Variants in TCF7L2 observed in about 807,000 individuals in gnomAD.
TCF7L2 encodes transcription factor 7-like 2.
TCF7L2 carries 23 observed loss-of-function variants against 77.9 expected under a neutral mutation model. The ratio of observed to expected loss-of-function variants is 0.30; its 90% CI spans 0.21 to 0.42. The LOEUF (loss-of-function observed/expected upper bound fraction) is 0.42. Ranked by LOEUF, TCF7L2 falls within the 10% of genes least tolerant of loss-of-function variation. TCF7L2 has a pLI of 1.00. For missense variants in TCF7L2, 654 were observed against 793.1 expected, an observed-to-expected ratio of 0.82 and a Z score of 2.11; for synonymous variants, 413 against 340.2, an observed-to-expected ratio of 1.21 and a Z score of -2.36.
chr10:113,084,147 A>G (rs2135509023), intron 5 of TCF7L2, among the ~76,000 whole-genome samples: 1 of 152,350 alleles, frequency 6.6e-6, no homozygotes, highest in Admixed American at 6.5e-5. Context: ...TAAAACCAAT[A>G]GGATGTATGT....
chr10:113,072,857 A>T (rs2058199964), intron 5 of TCF7L2, among the ~76,000 whole-genome samples: 1 of 152,210 alleles, frequency 6.6e-6, no homozygotes, highest in South Asian at 2.1e-4. Flanking sequence ...TGAAAAAAGA[A>T]GCAGCACGAG....
At chr10:112,962,475 T>A (rs74159625) in intron 3 of TCF7L2, among the ~76,000 whole-genome samples, 2,261 of 152,312 alleles carry the variant, frequency 0.015, 54 homozygotes, top group African/African-American at 0.05. Flanking sequence ...TTTAACATGA[T>A]GCAGAATTGT....
At chr10:113,128,776 A>T (rs766601474) in intron 5 of TCF7L2, among the ~76,000 whole-genome samples, 10 of 152,110 alleles carry the variant, frequency 6.6e-5, no homozygotes, top group Non-Finnish European at 1.3e-4. Context: ...CTTCATGTAA[A>T]AGAGGACGAT....
intron 5 of TCF7L2, among the ~76,000 whole-genome samples, chr10:113,042,498 T>G (rs2052631047): frequency 6.6e-6 from 1 of 152,200 alleles, no homozygotes; most frequent in African/African-American, 2.4e-5. Context: ...AGGACAAATG[T>G]GGTTTACATT....
chr10:113,077,802 C>T (rs1458791608), intron 5 of TCF7L2, among the ~76,000 whole-genome samples: 6 of 150,498 alleles, frequency 4.0e-5, no homozygotes, highest in South Asian at 2.1e-4. Context: ...CAGGTTCAGG[C>T]GATTCACCTG....
At chr10:113,125,207 C>T (rs1161197046) in intron 5 of TCF7L2, among the ~76,000 whole-genome samples, 1 of 150,300 alleles carries the variant, frequency 6.7e-6, no homozygotes, top group Non-Finnish European at 1.5e-5. Context: ...ACGAATCGCT[C>T]GTTCTCTGTT....
In TCF7L2 at chr10:113,150,999, T is replaced by G. The variant is rs766781026; in HGVS notation, c.877T>G (p.Phe293Val). ...TTTACACAGCTTTCTGTCTTCTAGG[T>G]TCCCTCCCCATATGGTCCCACCACA... The change falls in exon 9 of 14, where the codon TTC becomes GTC. Residue 293 changes from phenylalanine (F) to valine (V), a missense_variant and splice_region_variant. Physicochemically the swap from Phe to Val is conservative, Grantham distance 50. Transcript: ENST00000627217. 3.7e-6 allele frequency: 6 copies of G among 1,613,904 alleles called. No individual in the cohort carries two copies. In the African/African-American group the frequency reaches 8.0e-5, roughly 22 times the overall value.
intron 5 of TCF7L2, among the ~76,000 whole-genome samples, chr10:113,056,054 C>T (rs556905307): frequency 6.6e-6 from 1 of 152,298 alleles, no homozygotes; most frequent in East Asian, 1.9e-4. Context: ...CTTGAAAGTG[C>T]TAGGGCAATA....
intron 5 of TCF7L2, among the ~76,000 whole-genome samples, chr10:113,096,848 G>T (rs955626934): frequency 1.2e-4 from 18 of 152,180 alleles, no homozygotes; most frequent in African/African-American, 4.3e-4. Context: ...AGAGGGGAGG[G>T]TGGGGATGGG....
chr10:113,137,037 A>G (rs1162330208), intron 5 of TCF7L2, among the ~76,000 whole-genome samples: 1 of 150,736 alleles, frequency 6.6e-6, no homozygotes, highest in Admixed American at 6.6e-5. Flanking sequence ...TTTTTTCTTT[A>G]ACTTTCAGCT....
intron 5 of TCF7L2, among the ~76,000 whole-genome samples, chr10:113,125,082 A>G (rs1312354527): frequency 2.0e-5 from 3 of 152,174 alleles, no homozygotes; most frequent in African/African-American, 7.2e-5. Flanking sequence ...AAGGGTGGAA[A>G]GAGCTGAGCT....
At position 113,151,809 on chromosome 10, in the gene TCF7L2, G is replaced by A. The variant is rs2137153657; in HGVS notation, c.1086G>A (p.Lys362=). ...TTAATGCATTCATGTTGTATATGAA[G>A]GAAATGAGAGCAAAGGTCGTAGCTG... Residue 362 remains lysine (K), a synonymous_variant, in exon 10 of 14, where the codon AAG becomes AAA. Transcript: ENST00000627217. This position sits in a 1 kb window ranked among gnomAD's most constrained non-coding sequence, Gnocchi z 5.2. 6.2e-7 allele frequency: 1 copy of A among 1,613,778 alleles called. No individual in the cohort carries two copies. Among genetic ancestry groups the A allele is most frequent in the Non-Finnish European group, 8.5e-7 (1 of 1,179,960 alleles).
At chr10:113,077,903 T>C (rs1198818747) in intron 5 of TCF7L2, among the ~76,000 whole-genome samples, 1 of 139,238 alleles carries the variant, frequency 7.2e-6, no homozygotes, top group Non-Finnish European at 1.6e-5. Flanking sequence ...ATTTATTTAT[T>C]TATTGTATTT....
At chr10:113,004,821 C>A (rs1040348224) in intron 4 of TCF7L2, among the ~76,000 whole-genome samples, 2 of 152,038 alleles carry the variant, frequency 1.3e-5, no homozygotes, top group Non-Finnish European at 2.9e-5. Context: ...GTCAGGCACC[C>A]GCCACCATGC....
intron 5 of TCF7L2, among the ~76,000 whole-genome samples, chr10:113,134,954 A>G (rs890164911): frequency 6.6e-6 from 1 of 152,248 alleles, no homozygotes; most frequent in African/African-American, 2.4e-5. Context: ...ATAGGGGCGT[A>G]TTGAAGAGGA....
At chr10:113,005,310 T>G (rs1183550425) in intron 4 of TCF7L2, among the ~76,000 whole-genome samples, 1 of 152,158 alleles carries the variant, frequency 6.6e-6, no homozygotes, top group Non-Finnish European at 1.5e-5. Flanking sequence ...AAAGACTGGG[T>G]CTCAGAAGAT....
At chr10:112,992,735 G>A (rs764428517) in intron 4 of TCF7L2, among the ~76,000 whole-genome samples, 4 of 151,908 alleles carry the variant, frequency 2.6e-5, no homozygotes, top group Non-Finnish European at 4.4e-5. Context: ...CTGTGACTCC[G>A]GAATGCAGTG....
At chr10:113,033,200 C>G (rs1472415747) in intron 4 of TCF7L2, among the ~76,000 whole-genome samples, 2 of 150,076 alleles carry the variant, frequency 1.3e-5, no homozygotes, top group East Asian at 3.9e-4. Flanking sequence ...CCTCCTCCTT[C>G]CCTTCCTCCT....
At chr10:113,145,371 C>G (rs553201776) in intron 7 of TCF7L2, among the ~76,000 whole-genome samples, 1 of 152,284 alleles carries the variant, frequency 6.6e-6, no homozygotes, top group East Asian at 1.9e-4. Context: ...AGACAACCCT[C>G]TGTCAGAAAA....
Sources: allele counts gnomAD v4.1 joint callset (sites outside exome capture counted in the v4.1 genomes callset), GRCh38; gene constraint gnomAD v4.1.1; non-coding constraint Gnocchi (gnomAD v3.1); transcripts MANE v1.5; gene names NCBI Gene and HGNC (gene_info 2026-07-23, HGNC 2026-07-21).